The following TRIM36 variants were observed in gnomAD, a reference collection of about 807,000 sequenced individuals.
TRIM36 encodes E3 ubiquitin-protein ligase TRIM36.
TRIM36 carries 42 observed loss-of-function variants against 72.4 expected under a neutral mutation model. That is an observed-to-expected ratio of 0.58 (90% CI 0.45 to 0.75). The LOEUF is 0.75. TRIM36 is among the 30% of genes least tolerant of loss of function. TRIM36 has a pLI of 0.00. For missense variants in TRIM36, 913 were observed against 857.1 expected (o/e 1.07, Z -0.81); for synonymous variants, 315 against 282.8 (o/e 1.11, Z -1.14).
intron 1 of TRIM36, among the ~76,000 whole-genome samples, chr5:115,175,646 A>T (rs1374701021): frequency 6.6e-6 from 1 of 151,600 alleles, no homozygotes; most frequent in Non-Finnish European, 1.5e-5. Flanking sequence ...TTTAGGAGAC[A>T]CCTTTTTTTT....
chr5:115,153,166 A>G lies in TRIM36; in HGVS notation c.263-5772T>C, dbSNP rs190989552. 4.3e-3 allele frequency among the ~76,000 whole-genome samples: 659 copies of G among 152,336 alleles called. 2 individuals carry two copies. Among genetic ancestry groups the G allele is most frequent in the Middle Eastern group, 0.014 (4 of 294 alleles). ...ACTCACCTAACACATAAGGATTCAC[A>G]AAAACTTAAGGTAAAGGGGTGGAAA... is the stretch of plus-strand genomic sequence containing the variant. On this transcript the variant is annotated intron_variant, in intron 2 of 9. Coordinates refer to ENST00000513154, the MANE Select transcript of TRIM36 (RefSeq NM_001300759.2).
rs146223001 is a variant in TRIM36, at chr5:115,148,415, C to CTTTTTTTT, written c.263-1029_263-1022dup. ...ACATTCCCTCATTTGTAAATCTGTT[C>CTTTTTTTT]TTTTTTTTTTTTTTTTTTTTTTTAG... On this transcript the variant is annotated intron_variant, in intron 2 of 9. Coordinates refer to ENST00000513154, the MANE Select transcript of TRIM36 (RefSeq NM_001300759.2). 9.5e-5 allele frequency: 48 copies of CTTTTTTTT among 507,790 alleles called. 1 individual carries two copies. The East Asian group carries it at 1.6e-3, about 17-fold the overall frequency. 31.5% of individuals were successfully genotyped at this position (507,790 alleles called of 1,614,324 possible).
rs374355605 is a variant in TRIM36 at position 115,126,457 on chromosome 5, T to C, written c.*46A>G. 6.7e-6 allele frequency: 10 copies of C among 1,501,374 alleles called. No homozygotes were observed. Among genetic ancestry groups the C allele is most frequent in the African/African-American group, 5.5e-5 (4 of 72,662 alleles). The allele number at this position is 1,501,374 out of a possible 1,614,324, so 93.0% of individuals were successfully genotyped here. ...AGTTACGAAGGTTAACGCTAAGGCA[T>C]TGCTTTGTTTACAGTTTTTATCCTG... On this transcript the variant is annotated 3_prime_UTR_variant, in exon 10 of 10. Transcript: ENST00000513154.
At chr5:115,133,795 GTTTAT>G (rs1486795382) in intron 8 of TRIM36, 60 bp downstream of exon 8, 1 of 1,489,114 alleles carries the variant, frequency 6.7e-7, no homozygotes, top group African/African-American at 1.4e-5. Flanking sequence ...ATACTGACTA[GTTTAT>G]TTTATCAAGG....
Position 115,153,282 on chromosome 5 carries a change from A to G in TRIM36, c.263-5888T>C, listed in dbSNP as rs139906056. ...AAACTTTAAAGCAAACCAATTTAAA[A>G]AGACAAAGAAGGACATTAAATAATG... is the stretch of plus-strand genomic sequence containing the variant. On this transcript the variant is annotated intron_variant, in intron 2 of 9. Coordinates refer to ENST00000513154, the MANE Select transcript of TRIM36 (RefSeq NM_001300759.2). Among the ~76,000 whole-genome samples, 28 of 152,358 alleles carry G rather than the reference A, an allele frequency of 1.8e-4. No individual in the cohort carries two copies. In the East Asian group the frequency reaches 5.2e-3, roughly 28 times the overall value.
chr5:115,129,442 C>T (rs1752533629), intron 9 of TRIM36, among the ~76,000 whole-genome samples: 1 of 152,132 alleles, frequency 6.6e-6, no homozygotes, highest in Non-Finnish European at 1.5e-5. Context: ...CCTATAATCC[C>T]AGCTATTTGG....
intron 2 of TRIM36, chr5:115,148,943 A>G (rs932181667): frequency 4.6e-5 from 7 of 152,190 alleles, no homozygotes; most frequent in Non-Finnish European, 1.0e-4. Context: ...GTCTGACATG[A>G]TATCAGTTCA....
At position 115,126,147 on chromosome 5, in the gene TRIM36, G is replaced by C. The variant is rs1384443063; in HGVS notation, c.*356C>G. On this transcript the variant is annotated 3_prime_UTR_variant, in exon 10 of 10. Transcript: ENST00000513154. ...TGATATAAAAATGAAAAGTCAAACA[G>C]AAGAGAATCATAATAAATACTTTTG... 5.1e-6 allele frequency: 1 copy of C among 194,406 alleles called. No individual in the cohort carries two copies. Among genetic ancestry groups the C allele is most frequent in the Non-Finnish European group, 1.1e-5 (1 of 94,342 alleles). The allele number at this position is 194,406 out of a possible 1,614,324, so 12.0% of individuals were successfully genotyped here.
Position 115,137,087 on chromosome 5 carries a change from G to C in TRIM36, c.1123C>G (p.Pro375Ala). 6.2e-7 allele frequency: 1 copy of C among 1,607,952 alleles called. No homozygotes were observed. The highest frequency in any genetic ancestry group is 8.5e-7 in the Non-Finnish European group (1 of 1,178,104). Residue 375 changes from proline (P) to alanine (A), a missense_variant, in exon 7 of 10, where the codon CCT becomes GCT. Transcript: ENST00000513154. ...KATESLKSFR[P>A]AAQTSFEDYV... Reference sequence around the variant, plus strand: ...TCTTCAAAAGAAGTCTGAGCTGCAGGTCTAAAGCTCTTCAAAGATTCTGTG... The same window carrying C: ...TCTTCAAAAGAAGTCTGAGCTGCAGCTCTAAAGCTCTTCAAAGATTCTGTG...
At chr5:115,144,395 T>C (rs1045339156) in intron 4 of TRIM36, among the ~76,000 whole-genome samples, 7 of 152,116 alleles carry the variant, frequency 4.6e-5, no homozygotes, top group African/African-American at 1.4e-4. Flanking sequence ...TAGGTGTCAA[T>C]ATATGCCGGG....
chr5:115,166,772 C>T (rs1490095400), intron 1 of TRIM36, among the ~76,000 whole-genome samples: 2 of 152,180 alleles, frequency 1.3e-5, no homozygotes, highest in African/African-American at 2.4e-5. Flanking sequence ...GCTGTGACAT[C>T]CTCTTTGTGG....
At chr5:115,145,471 G>C (rs1482373214) in intron 3 of TRIM36, among the ~76,000 whole-genome samples, 2 of 152,154 alleles carry the variant, frequency 1.3e-5, no homozygotes, top group East Asian at 3.8e-4. Context: ...GATTCCAACA[G>C]ATTAGATTTT....
chr5:115,169,195 G>C (rs562041283), intron 1 of TRIM36: 1 of 173,624 alleles, frequency 5.8e-6, no homozygotes, highest in Non-Finnish European at 1.2e-5. Flanking sequence ...GCAGCCGGCC[G>C]GGCCCGCGGG....
chr5:115,149,502 T>C (rs1215952515), intron 2 of TRIM36: 1 of 115,328 alleles, frequency 8.7e-6, no homozygotes, highest in Non-Finnish European at 1.7e-5. Flanking sequence ...GAAAAGTAAA[T>C]AATGACAACA....
At chr5:115,179,969 A>G (rs772712374) in intron 1 of TRIM36, 5 of 1,613,768 alleles carry the variant, frequency 3.1e-6, no homozygotes, top group Non-Finnish European at 3.4e-6. Context: ...GCGCCTCATC[A>G]CTTACCTTGC....
At chr5:115,133,737 G>T in intron 8 of TRIM36, 123 bp downstream of exon 8, 1 of 959,350 alleles carries the variant, frequency 1.0e-6, no homozygotes. Context: ...CTACTTTTCT[G>T]GAGTCTTTTA....
intron 5 of TRIM36, among the ~76,000 whole-genome samples, chr5:115,140,023 T>C (rs970681184): frequency 1.7e-4 from 26 of 152,194 alleles, no homozygotes; most frequent in African/African-American, 5.5e-4. Flanking sequence ...CTGCTTTGTG[T>C]TGAGACAGTC....
rs374192161 is a variant in TRIM36, at chr5:115,136,949, A to G, written c.1210+51T>C. On this transcript the variant is annotated intron_variant, in intron 7 of 9. Transcript: ENST00000513154. Reference sequence around the variant, plus strand: ...AGAGAACTTGTGTTTTCTTCCACACAATACAAATTCAGACAAAAAGAATGA... The same window carrying G: ...AGAGAACTTGTGTTTTCTTCCACACGATACAAATTCAGACAAAAAGAATGA... 16 of 1,499,510 alleles carry G rather than the reference A, an allele frequency of 1.1e-5. No homozygotes were observed. In the African/African-American group the frequency reaches 2.1e-4, roughly 20 times the overall value. The allele number at this position is 1,499,510 out of a possible 1,614,324, so 92.9% of individuals were successfully genotyped here. A position where few individuals can be genotyped will look rare whatever the true frequency, so the allele number is the denominator to read the frequency against.
At chr5:115,166,981 C>A (rs1232482557) in intron 1 of TRIM36, among the ~76,000 whole-genome samples, 2 of 152,256 alleles carry the variant, frequency 1.3e-5, no homozygotes. Context: ...CTCATGCACC[C>A]CTTGCTGCTC....
Sources: gnomAD v4.1 joint callset for allele counts (sites outside exome capture counted in the v4.1 genomes callset) on GRCh38, gnomAD v4.1.1 for gene constraint, MANE v1.5 for transcripts, NCBI Gene and HGNC (gene_info 2026-07-23, HGNC 2026-07-21) for gene names.